Variants in PSMF1 observed in about 807,000 individuals in gnomAD.
The protein encoded by PSMF1 is proteasome inhibitor PI31 subunit.
A neutral mutation model predicts 29.3 loss-of-function variants in PSMF1; 30 were observed. The ratio of observed to expected loss-of-function variants is 1.02; its 90% CI spans 0.77 to 1.39. The LOEUF is 1.39. Among genes scored for constraint, PSMF1 ranks in the 40% most tolerant of loss-of-function variants. The probability of loss-of-function intolerance (pLI) is 0.00; values close to 1 mark genes in which losing one functional copy is unlikely to be tolerated. For missense variants in PSMF1, 344 were observed against 357.5 expected (o/e 0.96, Z 0.31); for synonymous variants, 134 against 139.7 (o/e 0.96, Z 0.29).
At chr20:1,149,468 A>G (rs919739755) in intron 4 of PSMF1, among the ~76,000 whole-genome samples, 3 of 152,354 alleles carry the variant, frequency 2.0e-5, no homozygotes, top group East Asian at 1.9e-4. Context: ...CTTATTATAC[A>G]ATATCATTGC....
At chr20:1,118,525 G>A (rs760853282), upstream of PSMF1, 3 of 375,176 alleles carry the variant, frequency 8.0e-6, no homozygotes, top group African/African-American at 2.1e-5. Context: ...ACTCCCTGGC[G>A]GAACCTTTCA....
intron 4 of PSMF1, among the ~76,000 whole-genome samples, chr20:1,146,468 G>A (rs764987033): frequency 1.2e-4 from 19 of 152,116 alleles, no homozygotes; most frequent in Non-Finnish European, 2.6e-4. Flanking sequence ...AGCCCCTGAT[G>A]TGAAGTACAC....
intron 1 of PSMF1, among the ~76,000 whole-genome samples, chr20:1,121,013 G>A (rs997521504): frequency 6.6e-6 from 1 of 152,138 alleles, no homozygotes; most frequent in African/African-American, 2.4e-5. Context: ...ACAGTTTAGG[G>A]ACATGAGTTC....
At chr20:1,148,765 T>C (rs1485880943) in intron 4 of PSMF1, among the ~76,000 whole-genome samples, 1 of 152,206 alleles carries the variant, frequency 6.6e-6, no homozygotes, top group East Asian at 1.9e-4. Flanking sequence ...GGTTTTTTTT[T>C]CTTTTACTTC....
intron 4 of PSMF1, among the ~76,000 whole-genome samples, chr20:1,152,988 G>A (rs954853190): frequency 1.3e-5 from 2 of 152,188 alleles, no homozygotes; most frequent in Non-Finnish European, 2.9e-5. Flanking sequence ...CCTGTTTATA[G>A]AGATTTTGAT....
rs371397613 is a variant in PSMF1 at position 1,125,621 on chromosome 20, G to A, written c.253G>A (p.Val85Met). The change falls in exon 2 of 7, where the codon GTG becomes ATG. Residue 85 changes from valine (V) to methionine (M), a missense_variant. Physicochemically the swap from Val to Met is conservative, Grantham distance 21. Coordinates refer to ENST00000335877, the MANE Select transcript of PSMF1 (RefSeq NM_006814.5). ...AAAGCTCCTTGTGAAAGCCATCACC[G>A]TGGAGAGCAGCATGATCCTCAATGT... The part of the protein sequence containing the change: ...SRKLLVKAIT[V>M]ESSMILNVLE... 82 of 1,613,480 alleles carry A rather than the reference G, an allele frequency of 5.1e-5. No individual in the cohort carries two copies. Among genetic ancestry groups the A allele is most frequent in the Non-Finnish European group, 6.3e-5 (74 of 1,179,728 alleles).
At chr20:1,134,964 AG>A (rs750288778) in intron 3 of PSMF1, 156 bp from the exon 4 acceptor site, 1 of 745,626 alleles carries the variant, frequency 1.3e-6, no homozygotes, top group East Asian at 2.7e-5. Context: ...CCCCTCACCC[AG>A]GTCCAGCAGG....
chr20:1,161,461 C>T (rs891600072), intron 4 of PSMF1: 19 of 474,790 alleles, frequency 4.0e-5, no homozygotes, highest in South Asian at 1.8e-4. Flanking sequence ...TATGCCAACA[C>T]GGTGCTGGCC....
At chr20:1,148,229 A>C (rs2086480748) in intron 4 of PSMF1, among the ~76,000 whole-genome samples, 1 of 152,194 alleles carries the variant, frequency 6.6e-6, no homozygotes, top group South Asian at 2.1e-4. Flanking sequence ...AGGACATTCC[A>C]TTGTAGTGGA....
chr20:1,155,394 G>A (rs1191406800), intron 4 of PSMF1, among the ~76,000 whole-genome samples: 1 of 152,342 alleles, frequency 6.6e-6, no homozygotes, highest in East Asian at 1.9e-4. Context: ...GTGGTCTCAA[G>A]AGTATGAGAC....
chr20:1,144,829 T>C (rs2086428956), intron 4 of PSMF1, among the ~76,000 whole-genome samples: 1 of 152,144 alleles, frequency 6.6e-6, no homozygotes, highest in Non-Finnish European at 1.5e-5. Context: ...TTTGTGGTGG[T>C]TTAACTATTA....
At chr20:1,146,745 C>T (rs947284630) in intron 4 of PSMF1, among the ~76,000 whole-genome samples, 1 of 152,226 alleles carries the variant, frequency 6.6e-6, no homozygotes, top group Non-Finnish European at 1.5e-5. Context: ...CTTTCCCTGT[C>T]TCAGCACATT....
In PSMF1 at chr20:1,164,315, C is replaced by T. The variant is rs1477717164; in HGVS notation, c.606-3C>T. ...GCTTACCTAACTTTTCTTCTTGCCT[C>T]AGGCCTCGGAGAGGTGGCATGATTG... is the stretch of plus-strand genomic sequence containing the variant. On this transcript the variant is annotated splice_polypyrimidine_tract_variant and splice_region_variant and intron_variant, in intron 5 of 6. Transcript: ENST00000335877. The surrounding 1 kb of genome is among the most constrained non-coding windows in gnomAD (Gnocchi z 4.1). 8 of 1,613,038 alleles carry T rather than the reference C, an allele frequency of 5.0e-6. 1 individual carries two copies. In the East Asian group the frequency reaches 1.6e-4, roughly 31 times the overall value.
rs74415518 is a variant in PSMF1, at chr20:1,163,469, G to A, written c.605+286G>A. ...CCCTAGTTTATCAGATGTATAGTGA[G>A]GAGCACATGGTGGGCCTTAGGGCAG... On this transcript the variant is annotated intron_variant, in intron 5 of 6. Coordinates refer to ENST00000335877, the MANE Select transcript of PSMF1 (RefSeq NM_006814.5). This position sits in a 1 kb window ranked among gnomAD's most constrained non-coding sequence, Gnocchi z 6.1. 0.01 allele frequency among the ~76,000 whole-genome samples: 1,534 copies of A among 152,292 alleles called. 31 individuals are homozygous for A. Among genetic ancestry groups the A allele is most frequent in the African/African-American group, 0.035 (1,453 of 41,558 alleles).
chr20:1,135,382 T>C, intron 4 of PSMF1, 76 bp downstream of exon 4: 1 of 1,427,468 alleles, frequency 7.0e-7, no homozygotes. Context: ...TCCTGCCACT[T>C]GACCCCATCC....
intron 4 of PSMF1, among the ~76,000 whole-genome samples, chr20:1,147,575 A>AG (rs2086470026): frequency 6.6e-6 from 1 of 152,162 alleles, no homozygotes. Context: ...CACAAGAGTA[A>AG]GGCACTGAAC....
intron 4 of PSMF1, among the ~76,000 whole-genome samples, chr20:1,148,082 T>C (rs2086478533): frequency 6.6e-6 from 1 of 152,160 alleles, no homozygotes; most frequent in African/African-American, 2.4e-5. Flanking sequence ...AAATACAAAC[T>C]AAAGTTGGAA....
At chr20:1,136,146 C>G (rs550751351) in intron 4 of PSMF1, among the ~76,000 whole-genome samples, 1 of 151,972 alleles carries the variant, frequency 6.6e-6, no homozygotes, top group African/African-American at 2.4e-5. Context: ...AAATCTTTAC[C>G]AAAAATATTG....
chr20:1,134,913 A>T, intron 3 of PSMF1: 1 of 662,510 alleles, frequency 1.5e-6, no homozygotes, highest in African/African-American at 1.8e-5. Flanking sequence ...ATGCCTAAGA[A>T]GCTTGGGCCC....
Sources: gnomAD v4.1 joint callset for allele counts (sites outside exome capture counted in the v4.1 genomes callset) on GRCh38, gnomAD v4.1.1 for gene constraint, Gnocchi (gnomAD v3.1) non-coding constraint, MANE v1.5 for transcripts, NCBI Gene and HGNC (gene_info 2026-07-23, HGNC 2026-07-21) for gene names.